ITPR1: variants seen among roughly 807,000 people sequenced by gnomAD.
The protein encoded by ITPR1 is inositol 1,4,5-trisphosphate receptor type 1.
A neutral mutation model predicts 318.4 loss-of-function variants in ITPR1; 96 were observed. The ratio of observed to expected loss-of-function variants is 0.30; its 90% CI spans 0.26 to 0.36. The LOEUF (loss-of-function observed/expected upper bound fraction) is 0.36. Among genes scored for constraint, ITPR1 ranks in the 10% least tolerant of loss-of-function variants. The pLI, the probability that ITPR1 is intolerant of heterozygous loss-of-function variation, is 1.00. For synonymous variants in ITPR1, 1,312 were observed against 1,289.9 expected (o/e 1.02, Z -0.37); for missense variants, 2,440 against 3,460.2 (o/e 0.71, Z 7.40).
Position 4,671,243 on chromosome 3 carries a change from C to T in ITPR1, c.2204+317C>T, listed in dbSNP as rs73110416. 3.5e-3 allele frequency among the ~76,000 whole-genome samples: 537 copies of T among 152,262 alleles called. 2 individuals are homozygous for T. The highest frequency in any genetic ancestry group is 0.01 in the African/African-American group (416 of 41,536). ...CTGTGGGGTCACATCCCTACCTCTC[C>T]GCTTACCAGTTTTTTGACATTGGCC... On this transcript the variant is annotated intron_variant, in intron 20 of 61. Coordinates refer to ENST00000649015, the MANE Select transcript of ITPR1 (RefSeq NM_001378452.1).
chr3:4,679,929 G>A (rs1395370953), intron 24 of ITPR1, among the ~76,000 whole-genome samples: 5 of 152,258 alleles, frequency 3.3e-5, no homozygotes, highest in African/African-American at 4.8e-5. Context: ...AGGGGAGAAC[G>A]GAAGGAAGAA....
chr3:4,637,366 T>C (rs2093222297), intron 5 of ITPR1, among the ~76,000 whole-genome samples: 1 of 152,158 alleles, frequency 6.6e-6, no homozygotes. Flanking sequence ...AACCTGTGGG[T>C]ACTGTAGAAA....
chr3:4,526,618 A>G (rs2082999217), intron 4 of ITPR1, among the ~76,000 whole-genome samples: 1 of 152,262 alleles, frequency 6.6e-6, no homozygotes. Flanking sequence ...TATTTTGTGC[A>G]AAGCACTTCC....
intron 47 of ITPR1, among the ~76,000 whole-genome samples, chr3:4,775,809 TGGAAGG>T (rs2046448718): frequency 6.6e-6 from 1 of 152,200 alleles, no homozygotes; most frequent in Admixed American, 6.5e-5. Context: ...GAGTGACTAC[TGGAAGG>T]GGGTTTAAGC....
chr3:4,703,025 A>G (rs1352163574), intron 36 of ITPR1, 75 bp downstream of exon 36: 6 of 1,507,570 alleles, frequency 4.0e-6, no homozygotes, highest in Non-Finnish European at 5.5e-6. Flanking sequence ...CCATTTATTG[A>G]GCACTCATTA....
chr3:4,541,766 C>G (rs2084477987), intron 4 of ITPR1, among the ~76,000 whole-genome samples: 1 of 152,022 alleles, frequency 6.6e-6, no homozygotes, highest in Non-Finnish European at 1.5e-5. Flanking sequence ...GCTGGGACTA[C>G]CAGCACGTGC....
At chr3:4,527,788 T>C (rs887613006) in intron 4 of ITPR1, among the ~76,000 whole-genome samples, 1 of 152,212 alleles carries the variant, frequency 6.6e-6, no homozygotes, top group Non-Finnish European at 1.5e-5. Context: ...ATCACACTTG[T>C]GGCCTTTTTA....
intron 53 of ITPR1, among the ~76,000 whole-genome samples, chr3:4,795,938 G>A (rs1448163665): frequency 6.6e-6 from 1 of 152,118 alleles, no homozygotes; most frequent in Non-Finnish European, 1.5e-5. Flanking sequence ...CACCTGGGAG[G>A]TCCACCTCCC....
At chr3:4,713,851 C>T (rs999053411) in intron 39 of ITPR1, among the ~76,000 whole-genome samples, 5 of 152,116 alleles carry the variant, frequency 3.3e-5, no homozygotes, top group African/African-American at 1.2e-4. Flanking sequence ...CTGTCATTCC[C>T]ATCCATGAAT....
At chr3:4,820,020 G>T (rs1242146382) in intron 60 of ITPR1, among the ~76,000 whole-genome samples, 2 of 152,172 alleles carry the variant, frequency 1.3e-5, no homozygotes, top group Admixed American at 6.5e-5. Flanking sequence ...AACCGGGAGG[G>T]TGCTGGTGAT....
intron 52 of ITPR1, among the ~76,000 whole-genome samples, chr3:4,794,077 TC>T (rs2047741869): frequency 2.0e-5 from 3 of 152,190 alleles, no homozygotes; most frequent in African/African-American, 7.2e-5. Context: ...TCCATGCTTT[TC>T]TCTGGAGGGG....
intron 60 of ITPR1, among the ~76,000 whole-genome samples, chr3:4,835,436 G>A (rs1456789334): frequency 6.6e-6 from 1 of 152,136 alleles, no homozygotes; most frequent in Admixed American, 6.5e-5. Flanking sequence ...GTTGTTTGGG[G>A]GGTATAACGG....
intron 52 of ITPR1, among the ~76,000 whole-genome samples, chr3:4,791,453 G>C (rs983217707): frequency 2.0e-5 from 3 of 152,132 alleles, no homozygotes; most frequent in South Asian, 4.1e-4. Flanking sequence ...GTTCACAATA[G>C]GGTTCACACT....
intron 44 of ITPR1, among the ~76,000 whole-genome samples, chr3:4,744,936 CCTTCCTTCCT>C (rs1559817452): frequency 2.5e-5 from 3 of 118,622 alleles, no homozygotes; most frequent in African/African-American, 7.0e-5. Flanking sequence ...TTCCTTCCTT[CCTTCCTTCCT>C]TCCCTCCCTC....
intron 4 of ITPR1, among the ~76,000 whole-genome samples, chr3:4,530,560 G>T (rs2083331566): frequency 6.6e-6 from 1 of 152,212 alleles, no homozygotes; most frequent in East Asian, 1.9e-4. Flanking sequence ...AAGGCGGGAG[G>T]ATGGCTTGAG....
chr3:4,677,395 C>T (rs951227686), intron 24 of ITPR1, among the ~76,000 whole-genome samples: 1 of 152,096 alleles, frequency 6.6e-6, no homozygotes, highest in Admixed American at 6.5e-5. Flanking sequence ...ACACTGAGGA[C>T]AGGGGGCTGG....
At chr3:4,557,125 G>A (rs746188859) in intron 4 of ITPR1, among the ~76,000 whole-genome samples, 7 of 152,124 alleles carry the variant, frequency 4.6e-5, no homozygotes, top group Non-Finnish European at 8.8e-5. Flanking sequence ...CTGTTCTCAC[G>A]CTGCTAATAA....
intron 4 of ITPR1, among the ~76,000 whole-genome samples, chr3:4,576,479 G>A (rs1302528892): frequency 6.6e-6 from 1 of 152,196 alleles, no homozygotes; most frequent in African/African-American, 2.4e-5. Flanking sequence ...AGTCTTGGCA[G>A]GGAGAGAGGG....
At position 4,733,200 on chromosome 3, in the gene ITPR1, C is replaced by T; in HGVS notation, c.5333C>T (p.Pro1778Leu). Residue 1778 changes from proline (P) to leucine (L), a missense_variant, in exon 43 of 62, where the codon CCC (proline) becomes CTC (leucine). Pro to Leu is a moderately conservative substitution (Grantham distance 98). Transcript: ENST00000649015. ...AATGGCCCACTGTCAGCAGGAGGAC[C>T]CGGCAAGCCCGGGGGAGGAGGTACG... The part of the protein sequence containing the change: ...FGNGPLSAGG[P>L]GKPGGGGGGS... 6.2e-7 allele frequency: 1 copy of T among 1,613,938 alleles called. No individual in the cohort carries two copies. The highest frequency in any genetic ancestry group is 8.5e-7 in the Non-Finnish European group (1 of 1,179,866).
Sources: gnomAD v4.1 joint callset for allele counts (sites outside exome capture counted in the v4.1 genomes callset) on GRCh38, gnomAD v4.1.1 for gene constraint, MANE v1.5 for transcripts, NCBI Gene and HGNC (gene_info 2026-07-23, HGNC 2026-07-21) for gene names.